Variants in MEIOSIN observed in about 807,000 individuals in gnomAD.
MEIOSIN encodes the protein meiosis initiator protein.
Under a neutral mutation model 23.4 loss-of-function variants are expected in MEIOSIN, and 18 were observed. The observed-to-expected ratio is 0.77, with a 90% CI of 0.53 to 1.14. The LOEUF (loss-of-function observed/expected upper bound fraction) is 1.14, where lower values mean the gene tolerates loss of function less well. MEIOSIN is among the 50% of genes most tolerant of loss of function. The pLI is 0.00. For missense variants in MEIOSIN, 428 were observed against 242.9 expected, an observed-to-expected ratio of 1.76 and a Z score of -5.07; for synonymous variants, 187 against 100.6, an observed-to-expected ratio of 1.86 and a Z score of -5.14.
chr19:45,747,843 T>C (rs1968622036), intron 4 of MEIOSIN, among the ~76,000 whole-genome samples: 3 of 152,118 alleles, frequency 2.0e-5, no homozygotes, highest in Non-Finnish European at 4.4e-5. Flanking sequence ...CTCACACCTG[T>C]AATACCAGCA....
chr19:45,746,094 G>C (rs934546918), intron 4 of MEIOSIN, among the ~76,000 whole-genome samples: 3 of 151,892 alleles, frequency 2.0e-5, no homozygotes, highest in Non-Finnish European at 4.4e-5. Flanking sequence ...TCAGCCTCCC[G>C]AGTAGCTGAG....
chr19:45,741,301 C>A (rs976150183), intron 3 of MEIOSIN, among the ~76,000 whole-genome samples: 4 of 150,608 alleles, frequency 2.7e-5, no homozygotes, highest in Non-Finnish European at 5.9e-5. Flanking sequence ...GAGCTGAGAT[C>A]GCACCACTGT....
intron 5 of MEIOSIN, among the ~76,000 whole-genome samples, chr19:45,752,316 A>C (rs944118203): frequency 1.3e-5 from 2 of 151,694 alleles, no homozygotes; most frequent in African/African-American, 4.8e-5. Flanking sequence ...CCCAGGTTCA[A>C]GCCATTCTCC....
intron 12 of MEIOSIN, 31 bp from the exon 13 acceptor site, chr19:45,761,908 T>C: frequency 1.6e-6 from 1 of 616,724 alleles, no homozygotes; most frequent in South Asian, 1.8e-5. Context: ...CAGGGCCTCC[T>C]TCCTCTCTCA....
At position 45,745,184 on chromosome 19, in the gene MEIOSIN, C is replaced by G. The variant is rs1359706076; in HGVS notation, c.177-8C>G. On this transcript the variant is annotated splice_polypyrimidine_tract_variant and splice_region_variant and intron_variant, in intron 3 of 14. Coordinates refer to ENST00000457052, the MANE Select transcript of MEIOSIN (RefSeq NM_001310124.2). ...TCCTAACCAAAACCAGCTCCTGTCC[C>G]CAAACAGGAATCAGAGGAACCAAAA... 2.8e-6 allele frequency: 2 copies of G among 702,252 alleles called. No individual in the cohort carries two copies. The highest frequency in any genetic ancestry group is 5.4e-5 in the East Asian group (2 of 37,290). The allele number at this position is 702,252 out of a possible 1,614,324, so 43.5% of individuals were successfully genotyped here. A position where few individuals can be genotyped will look rare whatever the true frequency, so the allele number is the denominator to read the frequency against.
At chr19:45,760,043 C>T (rs1208999616) in intron 11 of MEIOSIN, among the ~76,000 whole-genome samples, 6 of 151,896 alleles carry the variant, frequency 4.0e-5, no homozygotes, top group Admixed American at 6.6e-5. Context: ...TCGAGTGATC[C>T]GCCCACCTTG....
At position 45,745,272 on chromosome 19, in the gene MEIOSIN, C is replaced by A. The variant is rs1369855166; in HGVS notation, c.257C>A (p.Ala86Glu). ...KNHTSKLQEL[A>E]LLLPIALKTG... The stretch of plus-strand genomic sequence containing the variant: ...CACACTAGCAAGCTGCAAGAGTTGG[C>A]ACTGCTGCTGCCCATAGCCCTGAAG... The change falls in exon 4 of 15, where the codon GCA becomes GAA. Residue 86 changes from alanine (A) to glutamate (E), a missense_variant. Coordinates refer to ENST00000457052, the MANE Select transcript of MEIOSIN (RefSeq NM_001310124.2). 8 of 702,868 alleles carry A rather than the reference C, an allele frequency of 1.1e-5. No homozygotes were observed. In the Admixed American group the frequency reaches 1.4e-4, roughly 12 times the overall value. The allele number at this position is 702,868 out of a possible 1,614,324, so 43.5% of individuals were successfully genotyped here.
At chr19:45,740,979 AAGGG>A (rs1185153973) in intron 3 of MEIOSIN, among the ~76,000 whole-genome samples, 23 of 152,190 alleles carry the variant, frequency 1.5e-4, no homozygotes, top group African/African-American at 5.5e-4. Flanking sequence ...TCCAGGACTT[AAGGG>A]ATATAACCAG....
At position 45,739,710 on chromosome 19, in the gene MEIOSIN, G is replaced by C. The variant is rs183304235; in HGVS notation, c.156G>C (p.Trp52Cys). 4.8e-4 allele frequency: 339 copies of C among 703,620 alleles called. 2 individuals carry two copies. In the East Asian group the frequency reaches 8.2e-3, roughly 17 times the overall value. 43.6% of individuals were successfully genotyped at this position (703,620 alleles called of 1,614,324 possible). ...ATGGACTGAGAATGGAGGAGAAATG[G>C]TTGCTCAAAGGAAAACTGAGGTACT... ...EPHGLRMEEK[W>C]LLKGKLRNQR... The change falls in exon 3 of 15, where the codon TGG becomes TGC. Residue 52 changes from tryptophan (W) to cysteine (C), a missense_variant. Coordinates refer to ENST00000457052, the MANE Select transcript of MEIOSIN (RefSeq NM_001310124.2).
chr19:45,762,276 C>CT, intron 13 of MEIOSIN, 93 bp downstream of exon 13: 1 of 400,356 alleles, frequency 2.5e-6, no homozygotes, highest in Non-Finnish European at 4.4e-6. Flanking sequence ...CTGTCTGACA[C>CT]TTTTTCCCCC....
chr19:45,747,286 A>G (rs1373364678), intron 4 of MEIOSIN, among the ~76,000 whole-genome samples: 1 of 152,172 alleles, frequency 6.6e-6, no homozygotes, highest in Non-Finnish European at 1.5e-5. Context: ...GGACATGCTC[A>G]GTCCAGTGCT....
chr19:45,756,593 T>C (rs1968834550), intron 8 of MEIOSIN, among the ~76,000 whole-genome samples: 1 of 152,046 alleles, frequency 6.6e-6, no homozygotes, highest in Non-Finnish European at 1.5e-5. Context: ...AATTTTTTTA[T>C]GTTTATTTTT....
intron 4 of MEIOSIN, among the ~76,000 whole-genome samples, 193 bp downstream of exon 4, chr19:45,745,514 C>T (rs531232243): frequency 1.3e-5 from 2 of 152,040 alleles, no homozygotes; most frequent in South Asian, 4.2e-4. Flanking sequence ...TCCTTTTTTG[C>T]AAAGGAGAGA....
chr19:45,737,793 C>T (rs1968433771), intron 2 of MEIOSIN, among the ~76,000 whole-genome samples: 2 of 151,634 alleles, frequency 1.3e-5, no homozygotes, highest in South Asian at 4.2e-4. Flanking sequence ...ATTAGCTGGG[C>T]ATGATATAAT....
rs534349118 is a variant in MEIOSIN, at chr19:45,754,050, C to G, written c.556+262C>G. Among the ~76,000 whole-genome samples, 294 of 152,280 alleles carry G rather than the reference C, an allele frequency of 1.9e-3. 1 individual carries two copies. Among genetic ancestry groups the G allele is most frequent in the African/African-American group, 6.6e-3 (276 of 41,558 alleles). ...CAGGCTGGAGTACAGTGACACAGCT[C>G]ACTGCCACCTCTGCCTCCCAGGTTG... On this transcript the variant is annotated intron_variant, in intron 6 of 14. Coordinates refer to ENST00000457052, the MANE Select transcript of MEIOSIN (RefSeq NM_001310124.2).
In MEIOSIN at chr19:45,757,184, C is replaced by A. The variant is rs767232200; in HGVS notation, c.919C>A (p.Leu307Met). 4.3e-6 allele frequency: 3 copies of A among 702,912 alleles called. No homozygotes were observed. The highest frequency in any genetic ancestry group is 7.8e-6 in the Non-Finnish European group (3 of 384,922). 43.5% of individuals were successfully genotyped at this position (702,912 alleles called of 1,614,324 possible). ...AAACTCCACCTCTTGCAGGCAGAAG[C>A]TGGTGTTCTATGATTCCAGCGAGGA... ...NKTQPHPRQKLVFYDSSEDVD... is the reference protein window; with the variant it reads ...NKTQPHPRQKMVFYDSSEDVD... Residue 307 changes from leucine to methionine, a missense_variant, in exon 9 of 15, where the codon CTG (leucine) becomes ATG (methionine). Physicochemically the swap from Leu to Met is conservative, Grantham distance 15 (BLOSUM62 2). Coordinates refer to ENST00000457052, the MANE Select transcript of MEIOSIN (RefSeq NM_001310124.2).
Position 45,761,824 on chromosome 19 carries a change from G to GCTCCAGCTCGGAGGACAGCGA in MEIOSIN, c.1394_1395insCAGCTCGGAGGACAGCGACTC (p.Ser465_Glu466insSerSerGluAspSerAspSer). 1 of 700,498 alleles carries GCTCCAGCTCGGAGGACAGCGA rather than the reference G, an allele frequency of 1.4e-6. No homozygotes were observed. Among genetic ancestry groups the GCTCCAGCTCGGAGGACAGCGA allele is most frequent in the Non-Finnish European group, 2.6e-6 (1 of 381,966 alleles). The allele number at this position is 700,498 out of a possible 1,614,324, so 43.4% of individuals were successfully genotyped here. A position where few individuals can be genotyped will look rare whatever the true frequency, so the allele number is the denominator to read the frequency against. Reference sequence around the variant, plus strand: ...AGCTCCAGCTCCAGCTCCAGCTCCAGCTCGGAGGACAGCGACTCGGAGCCC... The same window carrying GCTCCAGCTCGGAGGACAGCGA: ...AGCTCCAGCTCCAGCTCCAGCTCCAGCTCCAGCTCGGAGGACAGCGACTCGGAGGACAGCGACTCGGAGCCC... On this transcript the variant is annotated inframe_insertion, in exon 12 of 15. Transcript: ENST00000457052.
chr19:45,755,875 G>A (rs1367190377), intron 7 of MEIOSIN, 95 bp from the exon 8 acceptor site: 2 of 642,160 alleles, frequency 3.1e-6, no homozygotes, highest in Middle Eastern at 4.0e-4. Flanking sequence ...GTGAGAGGGT[G>A]TGTGGCAGAA....
intron 9 of MEIOSIN, among the ~76,000 whole-genome samples, 177 bp downstream of exon 9, chr19:45,757,454 G>A (rs1003265610): frequency 2.0e-5 from 3 of 152,136 alleles, no homozygotes; most frequent in African/African-American, 7.2e-5. Context: ...ACGGAGGCTT[G>A]ACAATCAATC....
Sources: allele counts gnomAD v4.1 joint callset (sites outside exome capture counted in the v4.1 genomes callset), GRCh38; gene constraint gnomAD v4.1.1; transcripts MANE v1.5; gene names NCBI Gene and HGNC (gene_info 2026-07-23, HGNC 2026-07-21).